Variants in SOX13 observed in about 807,000 individuals in gnomAD.
SOX13 encodes the protein transcription factor SOX-13.
In SOX13, 28 loss-of-function variants were observed where a neutral mutation model predicts 71.8. That is an observed-to-expected ratio of 0.39 (90% confidence interval 0.29 to 0.53). The LOEUF (loss-of-function observed/expected upper bound fraction) is 0.53. Among genes scored for constraint, SOX13 ranks in the 20% least tolerant of loss-of-function variants. The pLI is 0.70. For synonymous variants in SOX13, 309 were observed against 317.8 expected (o/e 0.97, Z 0.29); for missense variants, 627 against 810.3 (o/e 0.77, Z 2.75).
Position 204,117,267 on chromosome 1 carries a change from A to G in SOX13, c.660+77A>G, listed in dbSNP as rs565799373. 14 of 1,292,012 alleles carry G rather than the reference A, an allele frequency of 1.1e-5. No individual in the cohort carries two copies. In the South Asian group the frequency reaches 1.7e-4, roughly 15 times the overall value. The allele number at this position is 1,292,012 out of a possible 1,614,324, so 80.0% of individuals were successfully genotyped here. ...CACCGGCCTGGAGGGTGCTGGGGAC[A>G]GGGGATGTGCACCAAGTTAAAGAGC... On this transcript the variant is annotated intron_variant, in intron 6 of 13. Coordinates refer to ENST00000367204, the MANE Select transcript of SOX13 (RefSeq NM_005686.3).
At chr1:204,101,807 C>G (rs1282964557) in intron 1 of SOX13, among the ~76,000 whole-genome samples, 3 of 152,142 alleles carry the variant, frequency 2.0e-5, no homozygotes, top group East Asian at 3.9e-4. Flanking sequence ...CAATTTTCCA[C>G]CCTTCACCTC....
intron 1 of SOX13, among the ~76,000 whole-genome samples, chr1:204,074,789 C>T (rs1268841840): frequency 6.6e-6 from 1 of 152,240 alleles, no homozygotes; most frequent in East Asian, 1.9e-4. Context: ...GCTGGAGCGG[C>T]GGCTCCCGCC....
chr1:204,111,631 C>T (rs929211580), intron 1 of SOX13, among the ~76,000 whole-genome samples: 52 of 151,874 alleles, frequency 3.4e-4, no homozygotes, highest in African/African-American at 9.0e-4. Flanking sequence ...GGTGGCCAGA[C>T]TCTGAGAGAT....
intron 1 of SOX13, among the ~76,000 whole-genome samples, chr1:204,102,581 A>G (rs1434271784): frequency 6.6e-6 from 1 of 151,618 alleles, no homozygotes; most frequent in Non-Finnish European, 1.5e-5. Flanking sequence ...CATTCAGAAA[A>G]CTGATAACCT....
intron 1 of SOX13, among the ~76,000 whole-genome samples, chr1:204,094,301 C>T (rs1163681259): frequency 6.6e-6 from 1 of 152,198 alleles, no homozygotes; most frequent in Non-Finnish European, 1.5e-5. Flanking sequence ...CTGCTCTTTC[C>T]ACCGCACACG....
intron 4 of SOX13, among the ~76,000 whole-genome samples, chr1:204,115,006 T>G (rs1424448685): frequency 6.6e-6 from 1 of 151,654 alleles, no homozygotes; most frequent in African/African-American, 2.4e-5. Context: ...CTTGGGTTCC[T>G]TAGAGTGATT....
chr1:204,123,203 T>C lies in SOX13; in HGVS notation c.1226T>C (p.Met409Thr), dbSNP rs1656848102. ...GAGGAAGCCATGCTGAGCTGCGACA[T>C]GGATGGTGAGGGCTCAGGCGCAGGG... ...PLEEAMLSCD[M>T]DGSRHFPESR... The change falls in exon 11 of 14, where the codon ATG (methionine) becomes ACG (threonine). Residue 409 changes from methionine (M) to threonine (T), a missense_variant. By Grantham distance (81) the Met-to-Thr change is moderately conservative. Around this residue, in one of 3 missense-constraint regions of SOX13, gnomAD observed 447 missense variants for 532.2 expected, o/e 0.84. Coordinates refer to ENST00000367204, the MANE Select transcript of SOX13 (RefSeq NM_005686.3). This position sits in a 1 kb window ranked among gnomAD's most constrained non-coding sequence, Gnocchi z 5.0. 1.2e-6 allele frequency: 2 copies of C among 1,612,464 alleles called. No homozygotes were observed. The highest frequency in any genetic ancestry group is 2.2e-5 in the East Asian group (1 of 44,864).
At chr1:204,082,086 G>C (rs563678251) in intron 1 of SOX13, among the ~76,000 whole-genome samples, 5 of 151,204 alleles carry the variant, frequency 3.3e-5, no homozygotes, top group Admixed American at 6.6e-5. Flanking sequence ...GTGTGGGGGG[G>C]AGGGAAGCTG....
At position 204,113,015 on chromosome 1, in the gene SOX13, C is replaced by T. The variant is rs772209038; in HGVS notation, c.100C>T (p.His34Tyr). 3.7e-6 allele frequency: 6 copies of T among 1,613,014 alleles called. No individual in the cohort carries two copies. The highest frequency in any genetic ancestry group is 3.3e-5 in the South Asian group (3 of 90,984). Reference protein sequence around the residue: ...IKSEEKKEPCHEAPQGSATAA... With the variant: ...IKSEEKKEPCYEAPQGSATAA... ...GTCAGAGGAGAAGAAAGAGCCTTGC[C>T]ACGAGGCCCCCCAGGGCTCAGCCAC... Residue 34 changes from histidine (H) to tyrosine (Y), a missense_variant, in exon 2 of 14, where the codon CAC (histidine) becomes TAC (tyrosine). His to Tyr is a moderately conservative substitution (Grantham distance 83, BLOSUM62 2). Transcript: ENST00000367204.
chr1:204,091,990 GTCT>G (rs1245008424), intron 1 of SOX13, among the ~76,000 whole-genome samples: 1 of 151,900 alleles, frequency 6.6e-6, no homozygotes, highest in African/African-American at 2.4e-5. Context: ...TGTCCTTTCT[GTCT>G]TCTTTTTTCT....
intron 1 of SOX13, among the ~76,000 whole-genome samples, chr1:204,084,593 C>T (rs1028853577): frequency 6.6e-6 from 1 of 152,014 alleles, no homozygotes; most frequent in South Asian, 2.1e-4. Flanking sequence ...CAGGCTCAGC[C>T]GGGAGGGAGG....
intron 1 of SOX13, among the ~76,000 whole-genome samples, chr1:204,106,336 T>A (rs187931924): frequency 6.6e-6 from 1 of 152,094 alleles, no homozygotes; most frequent in Admixed American, 6.6e-5. Context: ...CCTAACAGTA[T>A]CCATCACCTG....
chr1:204,123,868 T>C lies in SOX13; in HGVS notation c.1375+64T>C, dbSNP rs1389121924. ...TGGTTGCAGGAGCCAGCTGGGTCTA[T>C]TCAGGGCTTGCTTGGTGATATTCCA... On this transcript the variant is annotated intron_variant, in intron 12 of 13. Coordinates refer to ENST00000367204, the MANE Select transcript of SOX13 (RefSeq NM_005686.3). The surrounding 1 kb of genome is among the most constrained non-coding windows in gnomAD (Gnocchi z 5.0). 6.4e-7 allele frequency: 1 copy of C among 1,573,330 alleles called. No individual in the cohort carries two copies. The highest frequency in any genetic ancestry group is 8.7e-7 in the Non-Finnish European group (1 of 1,146,762).
At chr1:204,122,174 C>T (rs998000946) in intron 8 of SOX13, 63 bp from the exon 9 acceptor site, 3 of 1,385,584 alleles carry the variant, frequency 2.2e-6, no homozygotes, top group Admixed American at 4.7e-5. Flanking sequence ...CACTTCCTCT[C>T]TGTCCTGCTG....
At chr1:204,119,574 T>A (rs1485221624) in intron 7 of SOX13, 2 of 152,186 alleles carry the variant, frequency 1.3e-5, no homozygotes, top group East Asian at 3.9e-4. Context: ...GGAGGCACAT[T>A]CAGACCATAG....
chr1:204,111,062 G>A (rs1656571320), intron 1 of SOX13, among the ~76,000 whole-genome samples: 1 of 152,140 alleles, frequency 6.6e-6, no homozygotes, highest in Non-Finnish European at 1.5e-5. Flanking sequence ...AAGCCCCCAA[G>A]GCATGCTGAA....
At chr1:204,108,598 C>T (rs1373659249) in intron 1 of SOX13, among the ~76,000 whole-genome samples, 4 of 152,208 alleles carry the variant, frequency 2.6e-5, no homozygotes, top group African/African-American at 9.6e-5. Context: ...GAGCTGGAGG[C>T]CCCTGAAGTT....
At chr1:204,085,968 CAAAA>C (rs761848065) in intron 1 of SOX13, among the ~76,000 whole-genome samples, 3 of 98,060 alleles carry the variant, frequency 3.1e-5, no homozygotes, top group Admixed American at 1.1e-4. Flanking sequence ...GACTCCGTCT[CAAAA>C]AAAAAAAAAA....
intron 7 of SOX13, among the ~76,000 whole-genome samples, chr1:204,120,361 C>T (rs1354694601): frequency 1.3e-5 from 2 of 152,204 alleles, no homozygotes; most frequent in Non-Finnish European, 2.9e-5. Flanking sequence ...GCTTTCTGGG[C>T]AGGTAAGGCA....
Sources: gnomAD v4.1 joint callset for allele counts (sites outside exome capture counted in the v4.1 genomes callset) on GRCh38, gnomAD v4.1.1 for gene constraint, gnomAD v4.1.1 regional missense constraint, Gnocchi (gnomAD v3.1) non-coding constraint, MANE v1.5 for transcripts, NCBI Gene and HGNC (gene_info 2026-07-23, HGNC 2026-07-21) for gene names.